The following LRRFIP1 variants were observed in gnomAD, a reference collection of about 807,000 sequenced individuals.
LRRFIP1 encodes LRR binding FLII interacting protein 1, also known as leucine-rich repeat flightless-interacting protein 1.
In LRRFIP1, 62 loss-of-function variants were observed where a neutral mutation model predicts 104.4. The ratio of observed to expected loss-of-function variants is 0.59; its 90% CI spans 0.48 to 0.73. The LOEUF is 0.73. Among genes scored for constraint, LRRFIP1 ranks in the 30% least tolerant of loss-of-function variants. LRRFIP1 has a pLI of 0.00. For synonymous variants in LRRFIP1, 300 were observed against 299.0 expected (o/e 1.00, Z -0.03); for missense variants, 796 against 824.5 (o/e 0.97, Z 0.42).
chr2:237,690,763 GA>G (rs2092705647), intron 1 of LRRFIP1, among the ~76,000 whole-genome samples: 1 of 151,378 alleles, frequency 6.6e-6, no homozygotes, highest in Non-Finnish European at 1.5e-5. Flanking sequence ...AAGAAAGAAA[GA>G]ATTGTTATAA....
rs565672124 is a variant in LRRFIP1, at chr2:237,657,882, G to T, written c.96+30142G>T. On this transcript the variant is annotated intron_variant, in intron 1 of 23. Transcript: ENST00000308482. ...TGTAGGCTCAAGCCACAGCCCATAT[G>T]AATTAAATTAGAAGCTCGGTGATAG... 1.5e-4 allele frequency among the ~76,000 whole-genome samples: 23 copies of T among 152,270 alleles called. No individual in the cohort carries two copies. In the South Asian group the frequency reaches 4.4e-3, roughly 29 times the overall value.
chr2:237,701,476 C>T (rs1303317974), intron 1 of LRRFIP1, among the ~76,000 whole-genome samples: 2 of 152,240 alleles, frequency 1.3e-5, no homozygotes, highest in Non-Finnish European at 2.9e-5. Flanking sequence ...CTGCGCTCCG[C>T]TGGGGTTTCT....
At chr2:237,739,074 G>C (rs1000402000) in intron 10 of LRRFIP1, among the ~76,000 whole-genome samples, 158 bp from the exon 11 acceptor site, 1 of 152,186 alleles carries the variant, frequency 6.6e-6, no homozygotes, top group Non-Finnish European at 1.5e-5. Flanking sequence ...TTGAATATGC[G>C]TTTGCTGTCT....
At chr2:237,706,074 A>G (rs2093789641) in intron 1 of LRRFIP1, among the ~76,000 whole-genome samples, 1 of 152,236 alleles carries the variant, frequency 6.6e-6, no homozygotes, top group Admixed American at 6.5e-5. Context: ...GCCTAATTAC[A>G]GTGGTGTCAT....
chr2:237,762,685 A>G (rs868119), intron 19 of LRRFIP1: 351,144 of 1,613,718 alleles, frequency 0.22, 42,880 homozygotes, highest in East Asian at 0.51. Context: ...CTGAGAAAGA[A>G]CAACACACAG....
intron 13 of LRRFIP1, 80 bp downstream of exon 13, chr2:237,749,404 A>G (rs971118699): frequency 1.3e-5 from 20 of 1,499,098 alleles, no homozygotes; most frequent in Non-Finnish European, 1.8e-5. Context: ...AAAAAAGTTA[A>G]TTCATAAAGT....
chr2:237,733,441 T>G (rs1206226903), intron 8 of LRRFIP1, among the ~76,000 whole-genome samples: 1 of 152,244 alleles, frequency 6.6e-6, no homozygotes, highest in Non-Finnish European at 1.5e-5. Flanking sequence ...GTTTTGTTGC[T>G]GTTGTTGTGT....
chr2:237,658,210 A>G (rs986279558), intron 1 of LRRFIP1, among the ~76,000 whole-genome samples: 1 of 152,240 alleles, frequency 6.6e-6, no homozygotes, highest in Non-Finnish European at 1.5e-5. Flanking sequence ...TATAAAATAT[A>G]TAAAATACCA....
intron 1 of LRRFIP1, chr2:237,692,310 T>A: frequency 8.2e-7 from 1 of 1,216,000 alleles, no homozygotes; most frequent in Non-Finnish European, 1.0e-6. Flanking sequence ...GGCTGGCTCC[T>A]GGCCCCGGAA....
At chr2:237,775,316 A>G (rs2060986634) in intron 23 of LRRFIP1, among the ~76,000 whole-genome samples, 1 of 152,206 alleles carries the variant, frequency 6.6e-6, no homozygotes, top group African/African-American at 2.4e-5. Context: ...CAGCACGTGC[A>G]GGGGAGCTCG....
chr2:237,731,545 A>G (rs572093045), intron 8 of LRRFIP1, among the ~76,000 whole-genome samples: 125 of 152,044 alleles, frequency 8.2e-4, no homozygotes, highest in African/African-American at 2.6e-3. Context: ...GTGAACACCA[A>G]AGCATCGGTG....
At chr2:237,674,815 G>A (rs1355166839) in intron 1 of LRRFIP1, among the ~76,000 whole-genome samples, 1 of 152,264 alleles carries the variant, frequency 6.6e-6, no homozygotes, top group African/African-American at 2.4e-5. Flanking sequence ...CTGAGAGCTG[G>A]GGAAATGGTT....
At chr2:237,704,517 T>C (rs923657682) in intron 1 of LRRFIP1, among the ~76,000 whole-genome samples, 9 of 152,122 alleles carry the variant, frequency 5.9e-5, no homozygotes, top group African/African-American at 2.2e-4. Flanking sequence ...TGGCTAAGTG[T>C]GTAGTTTTGT....
chr2:237,720,754 C>A lies in LRRFIP1; in HGVS notation c.295-18C>A. On this transcript the variant is annotated intron_variant, in intron 5 of 23. Transcript: ENST00000308482. ...TGTATGATTCCTTCACGGTTGTTCT[C>A]GTCCTTTCTTTTAATAGGCTTCTGA... 2 of 1,612,384 alleles carry A rather than the reference C, an allele frequency of 1.2e-6. No homozygotes were observed. The highest frequency in any genetic ancestry group is 1.7e-6 in the Non-Finnish European group (2 of 1,178,478).
rs191353680 is a variant in LRRFIP1, at chr2:237,661,109, C to T, written c.96+33369C>T. On this transcript the variant is annotated intron_variant, in intron 1 of 23. Transcript: ENST00000308482. The surrounding 1 kb of genome is among the most constrained non-coding windows in gnomAD (Gnocchi z 4.4). ...TCCTGGGTTGGGCTGCGGGGAGAGG[C>T]CTTGCTACAGTGGGTGCCTCATCAG... 1.0e-3 allele frequency among the ~76,000 whole-genome samples: 155 copies of T among 152,188 alleles called. No homozygotes were observed. Among genetic ancestry groups the T allele is most frequent in the Admixed American group, 2.7e-3 (42 of 15,306 alleles).
intron 18 of LRRFIP1, among the ~76,000 whole-genome samples, chr2:237,759,265 G>A (rs1215098531): frequency 1.3e-5 from 2 of 152,102 alleles, no homozygotes; most frequent in East Asian, 3.8e-4. Flanking sequence ...GGTGGAAGAC[G>A]GTTCCCTGTC....
chr2:237,767,681 C>T, intron 19 of LRRFIP1, among the ~76,000 whole-genome samples: 1 of 152,204 alleles, frequency 6.6e-6, no homozygotes, highest in Non-Finnish European at 1.5e-5. Flanking sequence ...TAAGTTTCCA[C>T]TATCACTAGG....
intron 1 of LRRFIP1, 29 bp from the exon 2 acceptor site, chr2:237,708,515 C>G (rs771753420): frequency 6.5e-7 from 1 of 1,531,640 alleles, no homozygotes; most frequent in Admixed American, 1.9e-5. Flanking sequence ...GCTGCTCTGT[C>G]CTCTAATAAG....
Position 237,633,223 on chromosome 2 carries a change from A to C in LRRFIP1, c.96+5483A>C, listed in dbSNP as rs114536914. Among the ~76,000 whole-genome samples, 919 of 152,274 alleles carry C rather than the reference A, an allele frequency of 6.0e-3. 5 individuals are homozygous for C. The highest frequency in any genetic ancestry group is 0.018 in the African/African-American group (760 of 41,548). ...ACACCCATCTTGGCAGATCGTCTAC[A>C]AGGTTTTAGGAATGTGACAAGACTG... On this transcript the variant is annotated intron_variant, in intron 1 of 23. Transcript: ENST00000308482.
Sources: allele counts gnomAD v4.1 joint callset (sites outside exome capture counted in the v4.1 genomes callset), GRCh38; gene constraint gnomAD v4.1.1; non-coding constraint Gnocchi (gnomAD v3.1); transcripts MANE v1.5; gene names NCBI Gene and HGNC (gene_info 2026-07-23, HGNC 2026-07-21).